Variants in CCDC178 observed in about 807,000 individuals in gnomAD.
CCDC178 encodes coiled-coil domain-containing protein 178.
A neutral mutation model predicts 117.4 loss-of-function variants in CCDC178; 126 were observed. The ratio of observed to expected loss-of-function variants is 1.07; its 90% CI spans 0.93 to 1.24. CCDC178 has a LOEUF of 1.24. Ranked by LOEUF, CCDC178 falls within the 50% of genes most tolerant of loss-of-function variation. The probability of loss-of-function intolerance (pLI) is 0.00; values close to 1 mark genes in which losing one functional copy is unlikely to be tolerated. For synonymous variants in CCDC178, 283 were observed against 313.4 expected, an observed-to-expected ratio of 0.90 and a Z score of 1.02; for missense variants, 1,030 against 986.9, an observed-to-expected ratio of 1.04 and a Z score of -0.59.
At chr18:33,103,111 A>G (rs1323392756) in intron 20 of CCDC178, among the ~76,000 whole-genome samples, 1 of 151,816 alleles carries the variant, frequency 6.6e-6, no homozygotes, top group Non-Finnish European at 1.5e-5. Context: ...GACTGGGAAG[A>G]AAAAGAGGTT....
chr18:33,410,026 G>GTA (rs1250254505), intron 3 of CCDC178, among the ~76,000 whole-genome samples: 1 of 152,140 alleles, frequency 6.6e-6, no homozygotes, highest in Non-Finnish European at 1.5e-5. Context: ...TATCTGCTAT[G>GTA]TATATCTATT....
At chr18:32,973,368 T>G (rs761369396) in intron 22 of CCDC178, among the ~76,000 whole-genome samples, 27 of 152,116 alleles carry the variant, frequency 1.8e-4, no homozygotes, top group Non-Finnish European at 3.5e-4. Context: ...CACAATATAA[T>G]GTGTTACATT....
intron 21 of CCDC178, among the ~76,000 whole-genome samples, chr18:33,052,395 C>A (rs7235210): frequency 0.12 from 18,301 of 152,038 alleles, 1,490 homozygotes; most frequent in African/African-American, 0.23. Context: ...AATAGGGTAA[C>A]AAGATTACAA....
chr18:33,379,596 T>C (rs976084376), intron 5 of CCDC178, among the ~76,000 whole-genome samples: 2 of 152,094 alleles, frequency 1.3e-5, no homozygotes, highest in East Asian at 3.9e-4. Context: ...AGGCAGCCTC[T>C]AGGTACCCAG....
intron 20 of CCDC178, among the ~76,000 whole-genome samples, chr18:33,162,210 A>T (rs1247302580): frequency 6.6e-6 from 1 of 152,200 alleles, no homozygotes; most frequent in African/African-American, 2.4e-5. Context: ...GAGGGATAGC[A>T]TTAGGAGATA....
chr18:33,336,984 T>C (rs2144643957), intron 9 of CCDC178, among the ~76,000 whole-genome samples: 1 of 152,230 alleles, frequency 6.6e-6, no homozygotes, highest in South Asian at 2.1e-4. Flanking sequence ...TATGTTGCTT[T>C]TGGCCATATG....
chr18:33,085,878 A>G (rs2057370805), intron 21 of CCDC178, among the ~76,000 whole-genome samples: 1 of 152,032 alleles, frequency 6.6e-6, no homozygotes, highest in African/African-American at 2.4e-5. Context: ...TTTCCATATT[A>G]ATATTTATTT....
chr18:33,024,324 G>A (rs1001109166), intron 21 of CCDC178, among the ~76,000 whole-genome samples: 1 of 152,100 alleles, frequency 6.6e-6, no homozygotes, highest in African/African-American at 2.4e-5. Context: ...TGGCTGGATC[G>A]TTTTTATTCT....
At chr18:33,147,737 A>G (rs760114826) in intron 20 of CCDC178, among the ~76,000 whole-genome samples, 39 of 152,306 alleles carry the variant, frequency 2.6e-4, no homozygotes, top group Middle Eastern at 3.4e-3. Flanking sequence ...TTCTTAGTAC[A>G]GAACAAAATG....
intron 20 of CCDC178, among the ~76,000 whole-genome samples, chr18:33,157,581 GT>G (rs1261003319): frequency 6.6e-6 from 1 of 152,032 alleles, no homozygotes; most frequent in Non-Finnish European, 1.5e-5. Flanking sequence ...TAACAGTAAT[GT>G]GGTTTTAAAA....
chr18:32,971,096 G>T lies in CCDC178; in HGVS notation c.2523+3451C>A, dbSNP rs560482654. 2.6e-5 allele frequency among the ~76,000 whole-genome samples: 4 copies of T among 152,070 alleles called. No individual in the cohort carries two copies. In the East Asian group the frequency reaches 5.8e-4, roughly 22 times the overall value. On this transcript the variant is annotated intron_variant, in intron 22 of 22. Transcript: ENST00000383096. The stretch of plus-strand genomic sequence containing the variant: ...AGGTATATATGTGCCATGGTGGTTT[G>T]CTCCACCTGTCAACCCATCATCTAG...
chr18:32,965,804 A>G (rs1443463667), intron 22 of CCDC178, among the ~76,000 whole-genome samples: 2 of 151,106 alleles, frequency 1.3e-5, no homozygotes, highest in African/African-American at 4.8e-5. Flanking sequence ...AAAACAAATT[A>G]TTTTATATTA....
At chr18:33,004,155 C>A (rs988422695) in intron 21 of CCDC178, among the ~76,000 whole-genome samples, 2 of 152,032 alleles carry the variant, frequency 1.3e-5, no homozygotes, top group Non-Finnish European at 2.9e-5. Flanking sequence ...GACATCTTCA[C>A]AGAAATAGAA....
chr18:33,362,687 A>G (rs1271478959), intron 6 of CCDC178, among the ~76,000 whole-genome samples: 1 of 151,954 alleles, frequency 6.6e-6, no homozygotes, highest in Non-Finnish European at 1.5e-5. Flanking sequence ...CCAAAACAGC[A>G]TGTTGTAAAC....
chr18:33,234,847 A>C (rs1056175075), intron 15 of CCDC178, among the ~76,000 whole-genome samples: 19 of 152,152 alleles, frequency 1.2e-4, no homozygotes, highest in African/African-American at 4.3e-4. Flanking sequence ...ATAAGGCATA[A>C]ATCCTTTGGG....
chr18:33,272,136 G>A (rs1005706286), intron 12 of CCDC178, among the ~76,000 whole-genome samples: 16 of 151,244 alleles, frequency 1.1e-4, no homozygotes, highest in Admixed American at 1.1e-3. Context: ...TTGTTCTTTG[G>A]AAAGTTCAAG....
intron 21 of CCDC178, among the ~76,000 whole-genome samples, chr18:33,073,235 C>G (rs2057140323): frequency 1.3e-5 from 2 of 151,440 alleles, no homozygotes; most frequent in South Asian, 2.1e-4. Flanking sequence ...ATGTAGCTTC[C>G]CAGGTAGACT....
chr18:33,439,053 G>A (rs1266669702), intron 2 of CCDC178, among the ~76,000 whole-genome samples: 1 of 152,156 alleles, frequency 6.6e-6, no homozygotes, highest in East Asian at 1.9e-4. Flanking sequence ...TCTTGGGACA[G>A]GCAAATTGAA....
chr18:33,319,439 C>T (rs1330446961), intron 11 of CCDC178, among the ~76,000 whole-genome samples: 1 of 152,120 alleles, frequency 6.6e-6, no homozygotes, highest in Non-Finnish European at 1.5e-5. Flanking sequence ...TCCCGTCCAT[C>T]ATTGATGGAC....
Sources: allele counts gnomAD v4.1 joint callset (sites outside exome capture counted in the v4.1 genomes callset), GRCh38; gene constraint gnomAD v4.1.1; transcripts MANE v1.5; gene names NCBI Gene and HGNC (gene_info 2026-07-23, HGNC 2026-07-21).